SH3KBP1: variants seen among roughly 807,000 people sequenced by gnomAD.
SH3KBP1 encodes SH3 domain containing kinase binding protein 1.
SH3KBP1 carries 8 observed loss-of-function variants against 50.1 expected under a neutral mutation model. The observed-to-expected ratio is 0.16, with a 90% CI of 0.09 to 0.29. The LOEUF (loss-of-function observed/expected upper bound fraction) is 0.29. Among genes scored for constraint, SH3KBP1 ranks in the 10% least tolerant of loss-of-function variants. The probability of loss-of-function intolerance (pLI) is 1.00; values close to 1 mark genes in which losing one functional copy is unlikely to be tolerated. For missense variants in SH3KBP1, 377 were observed against 535.2 expected (o/e 0.70, Z 2.92); for synonymous variants, 227 against 218.6 (o/e 1.04, Z -0.34).
chrX:19,586,075 T>A (rs944922864), intron 12 of SH3KBP1, among the ~76,000 whole-genome samples: 3 of 111,913 alleles, frequency 2.7e-5, no homozygotes, highest in Non-Finnish European at 5.6e-5. Flanking sequence ...TGCATCTCCC[T>A]TCATGGCCTG....
Position 19,592,122 on chromosome X carries a change from A to G in SH3KBP1, c.1083T>C (p.Ile361=). ...GAGTTERKHE[I]KKIPPERPEM... ...CTGGTCTTTCAGGAGGTATCTTTTT[A>G]ATTTCATGTTTTCTCTCAGTGGTGC... The change falls in exon 11 of 18, where the codon ATT becomes ATC. Residue 361 remains isoleucine (I), a synonymous_variant. Transcript: ENST00000397821. 1 of 1,204,151 alleles carries G rather than the reference A, an allele frequency of 8.3e-7. No homozygotes were observed. The highest frequency in any genetic ancestry group is 1.1e-6 in the Non-Finnish European group (1 of 890,662).
chrX:19,696,917 C>T (rs1036418473), intron 4 of SH3KBP1, among the ~76,000 whole-genome samples: 1 of 111,776 alleles, frequency 8.9e-6, no homozygotes, highest in South Asian at 3.7e-4. Context: ...AGGAACCATA[C>T]GTCAAATTTT....
chrX:19,872,235 A>G (rs1325468605), intron 1 of SH3KBP1, among the ~76,000 whole-genome samples: 1 of 89,197 alleles, frequency 1.1e-5, no homozygotes, highest in African/African-American at 4.2e-5. Context: ...CTGGACAACA[A>G]GAGTGAAACT....
intron 7 of SH3KBP1, among the ~76,000 whole-genome samples, chrX:19,640,080 G>A (rs1210002514): frequency 1.8e-5 from 2 of 110,578 alleles, no homozygotes; most frequent in African/African-American, 6.6e-5. Context: ...ATATGCAGTA[G>A]TTGCAAAGTG....
At chrX:19,687,116 T>C (rs1177147599) in intron 5 of SH3KBP1, among the ~76,000 whole-genome samples, 1 of 112,831 alleles carries the variant, frequency 8.9e-6, no homozygotes, top group African/African-American at 3.2e-5. Flanking sequence ...CATGTGGTGA[T>C]TGGCTGAGTG....
intron 1 of SH3KBP1, among the ~76,000 whole-genome samples, chrX:19,880,956 C>T (rs1034831737): frequency 1.4e-4 from 16 of 111,872 alleles, no homozygotes; most frequent in African/African-American, 5.2e-4. Context: ...ACCCTGCTGA[C>T]ACCTTGATAT....
At chrX:19,843,867 C>T (rs765782513) in intron 1 of SH3KBP1, among the ~76,000 whole-genome samples, 38 of 111,789 alleles carry the variant, frequency 3.4e-4, no homozygotes, top group African/African-American at 4.6e-4. Context: ...CTGCCTCAGA[C>T]ACCATTAAGG....
chrX:19,701,428 A>G (rs1320633137), intron 4 of SH3KBP1, among the ~76,000 whole-genome samples: 4 of 111,171 alleles, frequency 3.6e-5, no homozygotes, highest in Non-Finnish European at 7.6e-5. Context: ...CATTGCATCC[A>G]CCAGCACCTG....
At chrX:19,873,955 G>C (rs2069147910) in intron 1 of SH3KBP1, among the ~76,000 whole-genome samples, 1 of 100,502 alleles carries the variant, frequency 1.0e-5, no homozygotes, top group Non-Finnish European at 2.0e-5. Flanking sequence ...AGGCTGAGGC[G>C]GGGGGATCCC....
intron 2 of SH3KBP1, among the ~76,000 whole-genome samples, chrX:19,824,377 C>T (rs757933523): frequency 3.0e-4 from 33 of 111,760 alleles, no homozygotes; most frequent in Non-Finnish European, 2.6e-4. Context: ...ACTGCCCTAT[C>T]GGTACCATTG....
intron 13 of SH3KBP1, among the ~76,000 whole-genome samples, chrX:19,568,086 C>T (rs753382665): frequency 1.8e-5 from 2 of 110,927 alleles, no homozygotes; most frequent in Non-Finnish European, 3.8e-5. Context: ...AGGATGATTA[C>T]CAGAGGCTGG....
chrX:19,728,179 A>AC (rs2064277459), intron 3 of SH3KBP1, among the ~76,000 whole-genome samples: 1 of 110,167 alleles, frequency 9.1e-6, no homozygotes, highest in Admixed American at 9.7e-5. Flanking sequence ...TGGATTTCAG[A>AC]TTTTTTTTTC....
intron 4 of SH3KBP1, among the ~76,000 whole-genome samples, chrX:19,704,103 T>C (rs769215075): frequency 5.4e-5 from 6 of 112,051 alleles, no homozygotes; most frequent in Non-Finnish European, 1.1e-4. Context: ...TTTTAAAACT[T>C]TGGATTAAAA....
intron 2 of SH3KBP1, among the ~76,000 whole-genome samples, chrX:19,825,608 T>G (rs989320700): frequency 8.9e-6 from 1 of 112,035 alleles, no homozygotes; most frequent in African/African-American, 3.2e-5. Flanking sequence ...GCACGGTGGT[T>G]CATGCCTGTA....
intron 6 of SH3KBP1, among the ~76,000 whole-genome samples, chrX:19,680,413 C>T (rs183546437): frequency 2.4e-4 from 26 of 108,493 alleles, no homozygotes; most frequent in African/African-American, 8.4e-4. Context: ...CTTCACAAAC[C>T]TGAACGAAAA....
At chrX:19,744,134 G>A (rs1414914058) in intron 3 of SH3KBP1, among the ~76,000 whole-genome samples, 1 of 112,415 alleles carries the variant, frequency 8.9e-6, no homozygotes, top group East Asian at 2.8e-4. Context: ...CTCGATGATG[G>A]AAACAAAGGG....
intron 4 of SH3KBP1, among the ~76,000 whole-genome samples, chrX:19,698,054 T>G (rs774986701): frequency 4.5e-5 from 5 of 112,183 alleles, no homozygotes; most frequent in Non-Finnish European, 7.5e-5. Flanking sequence ...CACATATTAT[T>G]TTTTCAAGGA....
intron 6 of SH3KBP1, among the ~76,000 whole-genome samples, chrX:19,673,286 T>C (rs1339675193): frequency 9.0e-6 from 1 of 111,562 alleles, no homozygotes; most frequent in Admixed American, 9.5e-5. Flanking sequence ...ATATCTGTGA[T>C]TTATAGCTAT....
chrX:19,736,992 C>T (rs948109030), intron 3 of SH3KBP1, among the ~76,000 whole-genome samples: 35 of 107,108 alleles, frequency 3.3e-4, no homozygotes, highest in African/African-American at 1.1e-3. Flanking sequence ...CTGCAACCTT[C>T]ACTTCCGAGG....
Sources: allele counts gnomAD v4.1 joint callset (sites outside exome capture counted in the v4.1 genomes callset), GRCh38; gene constraint gnomAD v4.1.1; transcripts MANE v1.5; gene names NCBI Gene and HGNC (gene_info 2026-07-23, HGNC 2026-07-21).